The following ANKRD30B variants were observed in gnomAD, a reference collection of about 807,000 sequenced individuals.
ANKRD30B encodes ankyrin repeat domain-containing protein 30B.
ANKRD30B carries 144 observed loss-of-function variants against 202.2 expected under a neutral mutation model. The observed-to-expected ratio is 0.71, with a 90% CI of 0.62 to 0.82. ANKRD30B has a LOEUF of 0.82. ANKRD30B is among the 40% of genes least tolerant of loss of function. The pLI is 0.00. For missense variants in ANKRD30B, 1,487 were observed against 1,669.1 expected (o/e 0.89, Z 1.90); for synonymous variants, 508 against 561.3 (o/e 0.91, Z 1.34).
intron 30 of ANKRD30B, chr18:14,816,101 T>TA (rs1209180711): frequency 6.6e-6 from 1 of 152,182 alleles, no homozygotes; most frequent in Non-Finnish European, 1.5e-5. Flanking sequence ...AATGTAATGA[T>TA]ATAAATTATT....
At chr18:14,882,954 G>A in the ANKRD30B span, among the ~76,000 whole-genome samples, 2 of 152,104 alleles carry the variant, frequency 1.3e-5, no homozygotes, top group Non-Finnish European at 2.9e-5. Flanking sequence ...CCATTTGCAT[G>A]AAATGCTTTT....
At chr18:14,764,600 G>C (rs1915805235) in intron 7 of ANKRD30B, among the ~76,000 whole-genome samples, 1 of 151,892 alleles carries the variant, frequency 6.6e-6, no homozygotes, top group Admixed American at 6.6e-5. Context: ...CCACTATATT[G>C]GCCAAACTCC....
chr18:14,840,557 A>T, intron 36 of ANKRD30B, 31 bp from the exon 37 acceptor site: 1 of 1,134,456 alleles, frequency 8.8e-7, no homozygotes, highest in Non-Finnish European at 1.2e-6. Context: ...TAGTAAAAAA[A>T]GAAATTATTT....
chr18:14,784,857 G>A (rs1967979905), intron 14 of ANKRD30B, among the ~76,000 whole-genome samples: 1 of 151,934 alleles, frequency 6.6e-6, no homozygotes, highest in Non-Finnish European at 1.5e-5. Flanking sequence ...TTAGTTCTTT[G>A]AAGCTTGATT....
Position 14,850,218 on chromosome 18 carries a change from AC to A in ANKRD30B, c.3401del (p.Thr1134IlefsTer2), listed in dbSNP as rs758838931. On this transcript the variant is annotated frameshift_variant, in exon 41 of 44. Transcript: ENST00000690538. LOFTEE classifies it high-confidence loss of function. ...GATAAGTATGTTTAATGGCAGATTG[AC>A]TTTAAATCAAGAAGAAGAGAAGAGA... is the stretch of plus-strand genomic sequence containing the variant. ...WEQELCSVRLTLNQEEEKRRN... is the reference protein window; with the variant it reads ...WEQELCSVRLXLNQEEEKRRN... 77 of 1,538,810 alleles carry A rather than the reference AC, an allele frequency of 5.0e-5. No homozygotes were observed. The highest frequency in any genetic ancestry group is 6.1e-5 in the Non-Finnish European group (70 of 1,146,072).
At chr18:14,748,778 G>C in intron 1 of ANKRD30B, 138 bp downstream of exon 1, 1 of 954,144 alleles carries the variant, frequency 1.0e-6, no homozygotes, top group Non-Finnish European at 1.5e-6. Context: ...CGGCCGTCCT[G>C]GGCCCCGAGG....
intron 12 of ANKRD30B, among the ~76,000 whole-genome samples, chr18:14,783,938 C>T (rs1016389268): frequency 2.6e-5 from 4 of 152,070 alleles, no homozygotes; most frequent in Non-Finnish European, 4.4e-5. Flanking sequence ...CAGCTGAACT[C>T]TCATCATAAC....
At chr18:14,887,388 T>TA in the ANKRD30B span, among the ~76,000 whole-genome samples, 1 of 152,158 alleles carries the variant, frequency 6.6e-6, no homozygotes, top group South Asian at 2.1e-4. Context: ...TATACATAGT[T>TA]CTAAAATATG....
At chr18:14,923,956 A>C in the ANKRD30B span, among the ~76,000 whole-genome samples, 2 of 152,184 alleles carry the variant, frequency 1.3e-5, no homozygotes, top group Non-Finnish European at 2.9e-5. Context: ...CTTCCCATAC[A>C]GCTTAGATCT....
the ANKRD30B span, among the ~76,000 whole-genome samples, chr18:14,939,256 C>T: frequency 1.3e-5 from 2 of 152,122 alleles, no homozygotes; most frequent in Non-Finnish European, 2.9e-5. Flanking sequence ...CCCCACCAGT[C>T]CTTTGCCCTA....
chr18:14,840,803 A>G (rs1291475163), intron 37 of ANKRD30B, 125 bp downstream of exon 37: 58 of 478,288 alleles, frequency 1.2e-4, no homozygotes, highest in Non-Finnish European at 7.4e-6. Context: ...GAACAAAGGC[A>G]GTGAAAGTTA....
At position 14,805,138 on chromosome 18, in the gene ANKRD30B, G is replaced by C. The variant is rs1300718186; in HGVS notation, c.2284+1314G>C. ...GACATACTAGAATGTAAGAACCTTG[G>C]CTTTATTTTTAAGGAAGCAAATTGT... On this transcript the variant is annotated intron_variant, in intron 24 of 43. Transcript: ENST00000690538. Among the ~76,000 whole-genome samples, 2 of 150,362 alleles carry C rather than the reference G, an allele frequency of 1.3e-5. 1 individual carries two copies. Among genetic ancestry groups the C allele is most frequent in the Non-Finnish European group, 3.0e-5 (2 of 67,650 alleles).
In ANKRD30B at chr18:14,820,433, A is replaced by C. The variant is rs200144534; in HGVS notation, c.2642-2050A>C. ...GAGTGGTGAGAGAGGGCATCCCTGT[A>C]TTGTGCCAGTTTTCAAAGGGAATGC... On this transcript the variant is annotated intron_variant, in intron 30 of 43. Coordinates refer to ENST00000690538, the MANE Select transcript of ANKRD30B (RefSeq NM_001367607.2). Among the ~76,000 whole-genome samples, 133 of 152,166 alleles carry C rather than the reference A, an allele frequency of 8.7e-4. 3 individuals carry two copies. The East Asian group carries it at 0.02, about 23-fold the overall frequency.
chr18:14,777,900 A>G, intron 9 of ANKRD30B, 85 bp from the exon 10 acceptor site: 12 of 910,490 alleles, frequency 1.3e-5, no homozygotes, highest in Non-Finnish European at 2.0e-5. Flanking sequence ...CCGAGATCAC[A>G]CCACTGAGCC....
At position 14,752,907 on chromosome 18, in the gene ANKRD30B, A is replaced by G; in HGVS notation, c.405A>G (p.Val135=). 1 of 1,606,182 alleles carries G rather than the reference A, an allele frequency of 6.2e-7. No homozygotes were observed. The highest frequency in any genetic ancestry group is 2.3e-5 in the East Asian group (1 of 44,306). The change falls in exon 3 of 44, where the codon GTA becomes GTG. Residue 135 remains valine (V), a synonymous_variant. Transcript: ENST00000690538. Reference sequence around the variant, plus strand: ...ATGCTGGTGCTGATCTAAATTATGTAGATGTGTATGGCAACACGGCTCTCC... The same window carrying G: ...ATGCTGGTGCTGATCTAAATTATGTGGATGTGTATGGCAACACGGCTCTCC... ...LIDAGADLNY[V]DVYGNTALHY...
At chr18:14,937,317 A>G in the ANKRD30B span, among the ~76,000 whole-genome samples, 3 of 152,246 alleles carry the variant, frequency 2.0e-5, no homozygotes, top group African/African-American at 7.2e-5. Flanking sequence ...CTGGTGTCCA[A>G]GCATTCCACA....
downstream of ANKRD30B, among the ~76,000 whole-genome samples, chr18:14,859,019 C>A (rs868141734): frequency 2.4e-3 from 247 of 102,744 alleles, 3 homozygotes; most frequent in Middle Eastern, 0.017. Context: ...CCTCACCTCC[C>A]AGACTGGGCG....
At position 14,797,681 on chromosome 18, in the gene ANKRD30B, C is replaced by G. The variant is rs372261068; in HGVS notation, c.1948C>G (p.Leu650Val). The G allele has an allele frequency of 3.0e-5, 48 of 1,608,924 alleles. No individual in the cohort carries two copies. The highest frequency in any genetic ancestry group is 3.8e-5 in the Non-Finnish European group (45 of 1,175,742). The part of the protein sequence containing the change: ...FKAESPDKDG[L>V]LKPTCGRKVS... The stretch of plus-strand genomic sequence containing the variant: ...TTTAGAGTCTCCTGATAAAGATGGT[C>G]TTCTGAAGGTAATAGCTTTTATGTC... Residue 650 changes from leucine (L) to valine (V), a missense_variant, in exon 19 of 44, where the codon CTT becomes GTT. Transcript: ENST00000690538.
rs760141091 is a variant in ANKRD30B at position 14,852,060 on chromosome 18, T to C, written c.4116T>C (p.Asp1372=). The change falls in exon 42 of 44, where the codon GAT becomes GAC. Residue 1372 remains aspartate, a synonymous_variant. Transcript: ENST00000690538. ...PKINLNYAGD[D]LRENALVSEH... is the part of the protein sequence containing the mutation. Reference sequence around the variant, plus strand: ...TTAATCTCAATTATGCAGGAGATGATCTAAGAGAAAATGCATTGGTTTCAG... The same window carrying C: ...TTAATCTCAATTATGCAGGAGATGACCTAAGAGAAAATGCATTGGTTTCAG... 1.2e-6 allele frequency: 2 copies of C among 1,608,700 alleles called. No individual in the cohort carries two copies. The highest frequency in any genetic ancestry group is 8.5e-7 in the Non-Finnish European group (1 of 1,176,954).
Sources: allele counts gnomAD v4.1 joint callset (sites outside exome capture counted in the v4.1 genomes callset), GRCh38; gene constraint gnomAD v4.1.1; transcripts MANE v1.5; gene names NCBI Gene and HGNC (gene_info 2026-07-23, HGNC 2026-07-21).